The following FBN1 variants were observed in gnomAD, a reference collection of about 807,000 sequenced individuals.
FBN1 encodes the protein fibrillin 1, also known as fibrillin-1.
A neutral mutation model predicts 365.1 loss-of-function variants in FBN1; 29 were observed. The ratio of observed to expected loss-of-function variants is 0.08; its 90% CI spans 0.06 to 0.11. FBN1 has a LOEUF of 0.11. FBN1 is among the 10% of genes least tolerant of loss of function. The pLI is 1.00. For synonymous variants in FBN1, 1,210 were observed against 1,270.5 expected (o/e 0.95, Z 1.01); for missense variants, 2,476 against 3,703.2 (o/e 0.67, Z 8.60).
chr15:48,529,644 A>C (rs966632041), intron 8 of FBN1: 1 of 152,230 alleles, frequency 6.6e-6, no homozygotes, highest in African/African-American at 2.4e-5. Context: ...AAAAAACTAA[A>C]AACTGTGGCA....
At chr15:48,422,399 G>A (rs986404822) in intron 60 of FBN1, among the ~76,000 whole-genome samples, 7 of 152,156 alleles carry the variant, frequency 4.6e-5, no homozygotes, top group Admixed American at 1.3e-4. Context: ...TAAATGAAGC[G>A]AAAGATGAAT....
At chr15:48,510,303 A>G in intron 13 of FBN1, 134 bp from the exon 14 acceptor site, 1 of 824,782 alleles carries the variant, frequency 1.2e-6, no homozygotes, top group Non-Finnish European at 1.9e-6. Flanking sequence ...TCTCCAACAT[A>G]AATTGGTTAT....
intron 42 of FBN1, among the ~76,000 whole-genome samples, chr15:48,462,009 G>T (rs554896084): frequency 1.3e-5 from 2 of 152,284 alleles, no homozygotes; most frequent in East Asian, 3.9e-4. Flanking sequence ...GAAACATTTT[G>T]CAGGGTGGAG....
intron 24 of FBN1, among the ~76,000 whole-genome samples, chr15:48,491,785 A>G (rs2043561017): frequency 6.6e-6 from 1 of 152,240 alleles, no homozygotes; most frequent in Admixed American, 6.5e-5. Context: ...GATATACTCT[A>G]GGCAGGCAGA....
intron 2 of FBN1, among the ~76,000 whole-genome samples, chr15:48,639,712 TA>T (rs1890165804): frequency 6.6e-6 from 1 of 152,236 alleles, no homozygotes; most frequent in African/African-American, 2.4e-5. Flanking sequence ...GTGCCTGAGT[TA>T]GGCCACATAA....
chr15:48,491,354 C>CTT (rs906446030), intron 24 of FBN1, among the ~76,000 whole-genome samples: 4 of 142,796 alleles, frequency 2.8e-5, no homozygotes, highest in Non-Finnish European at 6.2e-5. Flanking sequence ...TTTTTCTTTT[C>CTT]TTTTTTTTTT....
rs2043569175 is a variant in FBN1 at position 48,492,531 on chromosome 15, G to A, written c.2784C>T (p.Asn928=). The A allele has an allele frequency of 1.9e-6, 3 of 1,612,346 alleles. No homozygotes were observed. The highest frequency in any genetic ancestry group is 2.2e-5 in the South Asian group (2 of 91,006). ...PGVCKNGLCV[N]TRGSFKCQCP... ...ACTGACACTTGAATGACCCCCTAGT[G>A]TTAACACACAGGCCATTTTTACACA... The change falls in exon 24 of 66, where the codon AAC becomes AAT. Residue 928 remains asparagine, a synonymous_variant. Transcript: ENST00000316623.
At chr15:48,432,441 A>G (rs900818679) in intron 55 of FBN1, among the ~76,000 whole-genome samples, 2 of 152,224 alleles carry the variant, frequency 1.3e-5, no homozygotes, top group Admixed American at 6.5e-5. Context: ...GTGTTACCCC[A>G]TTCTTGAAAT....
At chr15:48,548,672 G>C (rs2044116052) in intron 6 of FBN1, among the ~76,000 whole-genome samples, 1 of 152,154 alleles carries the variant, frequency 6.6e-6, no homozygotes, top group South Asian at 2.1e-4. Flanking sequence ...TTTCATCTAA[G>C]GCAGCTAGTT....
intron 8 of FBN1, among the ~76,000 whole-genome samples, chr15:48,527,514 T>C (rs1421479128): frequency 6.6e-6 from 1 of 152,208 alleles, no homozygotes; most frequent in East Asian, 1.9e-4. Context: ...AGTATTACAA[T>C]GGCCAGGCTG....
chr15:48,572,651 A>C (rs2044315310), intron 6 of FBN1, among the ~76,000 whole-genome samples: 2 of 152,210 alleles, frequency 1.3e-5, no homozygotes, highest in South Asian at 4.1e-4. Flanking sequence ...AAATCTACAC[A>C]GTTACAAATG....
intron 10 of FBN1, among the ~76,000 whole-genome samples, chr15:48,519,390 T>TA (rs1458608110): frequency 6.6e-6 from 1 of 152,222 alleles, no homozygotes. Context: ...TTTTGCTAAA[T>TA]ACTATGGAAG....
intron 14 of FBN1, 56 bp downstream of exon 14, chr15:48,509,988 C>T (rs1404200467): frequency 1.3e-6 from 2 of 1,587,080 alleles, no homozygotes; most frequent in African/African-American, 1.3e-5. Context: ...GTTAAAGACC[C>T]CTGATATTGA....
At chr15:48,578,464 AT>A (rs375005385) in intron 6 of FBN1, among the ~76,000 whole-genome samples, 148 of 152,284 alleles carry the variant, frequency 9.7e-4, no homozygotes, top group African/African-American at 3.4e-3. Flanking sequence ...GCATCCTATA[AT>A]TTATTTTTAA....
At chr15:48,482,497 C>T (rs2043472641) in intron 31 of FBN1, among the ~76,000 whole-genome samples, 1 of 152,070 alleles carries the variant, frequency 6.6e-6, no homozygotes, top group Non-Finnish European at 1.5e-5. Context: ...TAGGTGAATC[C>T]TACAATTGCC....
intron 37 of FBN1, 77 bp downstream of exon 37, chr15:48,468,335 G>T: frequency 6.4e-7 from 1 of 1,568,914 alleles, no homozygotes; most frequent in South Asian, 1.1e-5. Flanking sequence ...TGCAAACTTT[G>T]AGAATGGAAT....
chr15:48,593,879 C>T lies in FBN1; in HGVS notation c.538+2404G>A, dbSNP rs545728384. On this transcript the variant is annotated intron_variant, in intron 6 of 65. Transcript: ENST00000316623. ...AGAAAGGAAAGTAGTAAAGGCCTCC[C>T]GGATCTGCACTTTAAAAAATAAACA... Among the ~76,000 whole-genome samples the T allele has an allele frequency of 2.8e-4, 42 of 152,150 alleles. 1 individual carries two copies. The South Asian group carries it at 4.0e-3, about 14-fold the overall frequency.
At position 48,492,514 on chromosome 15, in the gene FBN1, T is replaced by G. The variant is rs1489199503; in HGVS notation, c.2801A>C (p.Lys934Thr). 1 of 1,613,422 alleles carries G rather than the reference T, an allele frequency of 6.2e-7. No homozygotes were observed. The highest frequency in any genetic ancestry group is 8.5e-7 in the Non-Finnish European group (1 of 1,179,400). ...AGTCATTCCACTGGGACACTGACAC[T>G]TGAATGACCCCCTAGTGTTAACACA... is the stretch of plus-strand genomic sequence containing the variant. ...GLCVNTRGSF[K>T]CQCPSGMTLD... Residue 934 changes from lysine to threonine, a missense_variant, in exon 24 of 66, where the codon AAG becomes ACG. Coordinates refer to ENST00000316623, the MANE Select transcript of FBN1 (RefSeq NM_000138.5).
Position 48,415,489 on chromosome 15 carries a change from T to G in FBN1, c.8051+47A>C, listed in dbSNP as rs765236517. On this transcript the variant is annotated intron_variant, in intron 64 of 65. Coordinates refer to ENST00000316623, the MANE Select transcript of FBN1 (RefSeq NM_000138.5). ...TTGAGTTCAGTATACTTAATTATAT[T>G]ACGAATGAAAGAATCTCCAACCATG... 4.4e-5 allele frequency: 61 copies of G among 1,393,638 alleles called. No individual in the cohort carries two copies. The Admixed American group carries it at 9.7e-4, about 22-fold the overall frequency. 86.3% of individuals were successfully genotyped at this position (1,393,638 alleles called of 1,614,324 possible). A position where few individuals can be genotyped will look rare whatever the true frequency, so the allele number is the denominator to read the frequency against.
Sources: allele counts gnomAD v4.1 joint callset (sites outside exome capture counted in the v4.1 genomes callset), GRCh38; gene constraint gnomAD v4.1.1; transcripts MANE v1.5; gene names NCBI Gene and HGNC (gene_info 2026-07-23, HGNC 2026-07-21).